TRPC5: variants seen among roughly 807,000 people sequenced by gnomAD.
The protein encoded by TRPC5 is transient receptor potential cation channel subfamily C member 5.
TRPC5 carries 9 observed loss-of-function variants against 56.5 expected under a neutral mutation model. The ratio of observed to expected loss-of-function variants is 0.16; its 90% CI spans 0.10 to 0.28. The LOEUF (loss-of-function observed/expected upper bound fraction) is 0.28, where lower values mean the gene tolerates loss of function less well. Among genes scored for constraint, TRPC5 ranks in the 10% least tolerant of loss-of-function variants. The pLI is 1.00. For synonymous variants in TRPC5, 282 were observed against 278.5 expected (o/e 1.01, Z -0.13); for missense variants, 469 against 748.9 (o/e 0.63, Z 4.36).
intron 1 of TRPC5, among the ~76,000 whole-genome samples, chrX:111,975,589 C>G (rs1049045475): frequency 1.7e-4 from 19 of 110,909 alleles, no homozygotes; most frequent in African/African-American, 6.2e-4. Flanking sequence ...CCCACACCCC[C>G]CGACAGACTA....
In TRPC5 at chrX:111,825,146, C is replaced by CCTTTCTTTCTTT. The variant is rs570710450; in HGVS notation, c.1896+9763_1896+9774dup. ...CTTTCTTTTCCTTCCTTCCTTCCTT[C>CCTTTCTTTCTTT]CTTTCTTTCTTTCTTTCTTTCTTTC... On this transcript the variant is annotated intron_variant, in intron 7 of 10. Coordinates refer to ENST00000262839, the MANE Select transcript of TRPC5 (RefSeq NM_012471.3). Among the ~76,000 whole-genome samples the CCTTTCTTTCTTT allele has an allele frequency of 1.9e-4, 11 of 59,389 alleles. 1 individual carries two copies. Among genetic ancestry groups the CCTTTCTTTCTTT allele is most frequent in the East Asian group, 5.8e-4 (1 of 1,727 alleles). The allele number at this position is 59,389 out of a possible 115,157, so 51.6% of individuals were successfully genotyped here.
intron 3 of TRPC5, among the ~76,000 whole-genome samples, chrX:111,862,855 A>G (rs1923443255): frequency 8.9e-6 from 1 of 112,059 alleles, no homozygotes; most frequent in South Asian, 3.7e-4. Context: ...GTTTCTTTGA[A>G]CAGTGTTTTC....
chrX:112,035,103 T>A (rs1191468505), intron 1 of TRPC5, among the ~76,000 whole-genome samples: 3 of 102,905 alleles, frequency 2.9e-5, no homozygotes, highest in African/African-American at 3.6e-5. Flanking sequence ...AAAAAAAAAA[T>A]GTAAGAGCTT....
At chrX:111,955,826 C>G (rs1018234287) in intron 1 of TRPC5, among the ~76,000 whole-genome samples, 2 of 111,996 alleles carry the variant, frequency 1.8e-5, no homozygotes, top group African/African-American at 6.5e-5. Flanking sequence ...GACCCTTTAC[C>G]TTTATACTTG....
chrX:111,848,686 A>G (rs1027909422), intron 5 of TRPC5, among the ~76,000 whole-genome samples: 1 of 112,550 alleles, frequency 8.9e-6, no homozygotes, highest in Non-Finnish European at 1.9e-5. Context: ...ACTTGTGTGT[A>G]TCCAATATTC....
At chrX:112,071,474 A>G (rs1301491050) in intron 1 of TRPC5, among the ~76,000 whole-genome samples, 1 of 111,706 alleles carries the variant, frequency 9.0e-6, no homozygotes, top group East Asian at 2.8e-4. Context: ...GAACTGAGAT[A>G]GTTTGACTTT....
At chrX:111,838,602 C>T (rs778712694) in intron 6 of TRPC5, among the ~76,000 whole-genome samples, 4 of 111,851 alleles carry the variant, frequency 3.6e-5, no homozygotes, top group Non-Finnish European at 7.5e-5. Context: ...GCAACTAGTC[C>T]ATTTTTATTT....
At chrX:112,011,909 C>T (rs371394143) in intron 1 of TRPC5, among the ~76,000 whole-genome samples, 25 of 111,519 alleles carry the variant, frequency 2.2e-4, no homozygotes, top group African/African-American at 2.6e-4. Flanking sequence ...TACATATATA[C>T]GTATGACAAA....
At chrX:111,929,739 T>G (rs1253075340) in intron 2 of TRPC5, among the ~76,000 whole-genome samples, 1 of 112,420 alleles carries the variant, frequency 8.9e-6, no homozygotes, top group Non-Finnish European at 1.9e-5. Flanking sequence ...TCTCACAGCA[T>G]CCCTGTGGGA....
intron 1 of TRPC5, among the ~76,000 whole-genome samples, chrX:112,072,433 G>T: frequency 9.0e-6 from 1 of 111,646 alleles, no homozygotes; most frequent in Non-Finnish European, 1.9e-5. Context: ...CTACAGCTCA[G>T]ACTTCTATTT....
chrX:111,833,314 A>G (rs1922466109), intron 7 of TRPC5, among the ~76,000 whole-genome samples: 1 of 111,523 alleles, frequency 9.0e-6, no homozygotes, highest in Non-Finnish European at 1.9e-5. Flanking sequence ...ATTGATTTCA[A>G]TACCCTCACT....
chrX:111,983,977 G>A (rs763168840), intron 1 of TRPC5, among the ~76,000 whole-genome samples: 5 of 111,282 alleles, frequency 4.5e-5, no homozygotes, highest in African/African-American at 9.8e-5. Flanking sequence ...GCCTTATCAC[G>A]TATATATCAC....
intron 1 of TRPC5, among the ~76,000 whole-genome samples, chrX:112,078,714 A>G (rs1315048166): frequency 1.8e-5 from 2 of 111,917 alleles, no homozygotes; most frequent in African/African-American, 6.5e-5. Flanking sequence ...CTTAGCCCCT[A>G]TCAGCTTTTA....
chrX:111,946,616 C>T (rs1002539768), intron 2 of TRPC5, among the ~76,000 whole-genome samples: 21 of 112,108 alleles, frequency 1.9e-4, no homozygotes, highest in African/African-American at 6.5e-4. Flanking sequence ...ATATGAAAGT[C>T]CAGAGGGTCT....
chrX:111,836,082 A>G (rs927405222), intron 6 of TRPC5, among the ~76,000 whole-genome samples: 1 of 111,715 alleles, frequency 9.0e-6, no homozygotes, highest in Non-Finnish European at 1.9e-5. Context: ...TTTGAGCCAG[A>G]TCTCAAATCT....
At position 111,827,196 on chromosome X, in the gene TRPC5, T is replaced by C. The variant is rs138329024; in HGVS notation, c.1896+7725A>G. 8.9e-5 allele frequency among the ~76,000 whole-genome samples: 10 copies of C among 112,014 alleles called. No homozygotes were observed. The Admixed American group carries it at 9.5e-4, about 11-fold the overall frequency. ...GCTGTTCTTTCTCAGTCTCTTTGGATAATCCATCCTCACATTTCCAGCCTC... is the reference window on the plus strand; with the variant it reads ...GCTGTTCTTTCTCAGTCTCTTTGGACAATCCATCCTCACATTTCCAGCCTC... On this transcript the variant is annotated intron_variant, in intron 7 of 10. Transcript: ENST00000262839.
chrX:111,950,509 G>T (rs1177850426), intron 2 of TRPC5, among the ~76,000 whole-genome samples: 2 of 111,041 alleles, frequency 1.8e-5, no homozygotes, highest in East Asian at 5.7e-4. Context: ...GGACTCAGGG[G>T]ACAAGGATGG....
At chrX:111,956,693 G>A (rs768179896) in intron 1 of TRPC5, among the ~76,000 whole-genome samples, 7 of 111,330 alleles carry the variant, frequency 6.3e-5, no homozygotes, top group African/African-American at 2.3e-4. Context: ...TAATTTTAAT[G>A]TAGTGACACT....
At chrX:111,901,968 T>C (rs1317895189) in intron 3 of TRPC5, 1 of 1,155,603 alleles carries the variant, frequency 8.7e-7, no homozygotes, top group Admixed American at 2.6e-5. Flanking sequence ...GTTCCTTATG[T>C]AGAAGAAAAT....
Sources: allele counts gnomAD v4.1 joint callset (sites outside exome capture counted in the v4.1 genomes callset), GRCh38; gene constraint gnomAD v4.1.1; transcripts MANE v1.5; gene names NCBI Gene and HGNC (gene_info 2026-07-23, HGNC 2026-07-21).